ATP9B: variants seen among roughly 807,000 people sequenced by gnomAD.
ATP9B encodes the protein ATPase phospholipid transporting 9B, also known as probable phospholipid-transporting ATPase IIB.
Under a neutral mutation model 146.1 loss-of-function variants are expected in ATP9B, and 110 were observed. That is an observed-to-expected ratio of 0.75 (90% confidence interval 0.65 to 0.88). The LOEUF is 0.88. Ranked by LOEUF, ATP9B falls within the 40% of genes least tolerant of loss-of-function variation. ATP9B has a pLI of 0.00. For missense variants in ATP9B, 1,499 were observed against 1,496.4 expected, an observed-to-expected ratio of 1.00 and a Z score of -0.03; for synonymous variants, 604 against 569.7, an observed-to-expected ratio of 1.06 and a Z score of -0.86.
At chr18:79,075,032 G>T (rs1330039811) in intron 1 of ATP9B, among the ~76,000 whole-genome samples, 1 of 151,758 alleles carries the variant, frequency 6.6e-6, no homozygotes, top group African/African-American at 2.4e-5. Flanking sequence ...TTTAGTTAAT[G>T]GTGCTGTTGA....
At chr18:79,320,067 G>A (rs1174187519) in intron 15 of ATP9B, among the ~76,000 whole-genome samples, 5 of 152,314 alleles carry the variant, frequency 3.3e-5, no homozygotes, top group Non-Finnish European at 7.3e-5. Flanking sequence ...TGCCGAGAAC[G>A]TGCCCATTTA....
intron 12 of ATP9B, among the ~76,000 whole-genome samples, chr18:79,264,821 G>T (rs1346959891): frequency 6.6e-6 from 1 of 152,116 alleles, no homozygotes; most frequent in Non-Finnish European, 1.5e-5. Flanking sequence ...ATACACATGG[G>T]CCTGTTTTGG....
intron 11 of ATP9B, among the ~76,000 whole-genome samples, chr18:79,233,530 G>A (rs548147996): frequency 6.6e-6 from 1 of 152,284 alleles, no homozygotes; most frequent in East Asian, 1.9e-4. Context: ...GAAAATAAAA[G>A]CATTGGCCTG....
At chr18:79,163,491 ATG>A (rs1211972110) in intron 7 of ATP9B, among the ~76,000 whole-genome samples, 1 of 152,160 alleles carries the variant, frequency 6.6e-6, no homozygotes, top group East Asian at 1.9e-4. Flanking sequence ...CATCTCACAG[ATG>A]TGTCAGATAG....
At chr18:79,195,489 G>A (rs2095409770) in intron 9 of ATP9B, among the ~76,000 whole-genome samples, 1 of 151,982 alleles carries the variant, frequency 6.6e-6, no homozygotes, top group African/African-American at 2.4e-5. Context: ...TAAAAGCAAG[G>A]AAAGAAAAAA....
In ATP9B at chr18:79,375,271, C is replaced by T. The variant is rs550392397; in HGVS notation, c.3275-123C>T. The T allele has an allele frequency of 5.6e-5, 46 of 827,328 alleles. No individual in the cohort carries two copies. The South Asian group carries it at 6.7e-4, about 12-fold the overall frequency. The allele number at this position is 827,328 out of a possible 1,614,324, so 51.2% of individuals were successfully genotyped here. On this transcript the variant is annotated intron_variant, in intron 28 of 29. Coordinates refer to ENST00000426216, the MANE Select transcript of ATP9B (RefSeq NM_198531.5). ...TGAGATGTTAAAACCACATTGAAAA[C>T]GCAGCTTGCACTGCCATTTTATTGC...
At chr18:79,256,640 T>A (rs1358412172) in intron 12 of ATP9B, among the ~76,000 whole-genome samples, 1 of 152,074 alleles carries the variant, frequency 6.6e-6, no homozygotes. Context: ...AAGTTTAAAG[T>A]TAAGCTTTAT....
intron 13 of ATP9B, among the ~76,000 whole-genome samples, chr18:79,284,026 A>G (rs1272676239): frequency 6.6e-6 from 1 of 152,198 alleles, no homozygotes; most frequent in Non-Finnish European, 1.5e-5. Flanking sequence ...TTTAGGACTC[A>G]CATTTTAATT....
intron 11 of ATP9B, among the ~76,000 whole-genome samples, chr18:79,252,787 C>T (rs1013852895): frequency 1.3e-5 from 2 of 149,248 alleles, no homozygotes; most frequent in Admixed American, 6.7e-5. Context: ...TTTAAGCTAG[C>T]TAACTATTGC....
intron 11 of ATP9B, among the ~76,000 whole-genome samples, chr18:79,218,458 A>T (rs34959465): frequency 6.9e-6 from 1 of 144,254 alleles, no homozygotes; most frequent in African/African-American, 2.6e-5. Context: ...GCAGGCTGGC[A>T]GCTCCTGCTG....
intron 2 of ATP9B, among the ~76,000 whole-genome samples, chr18:79,097,864 T>A (rs1568168842): frequency 6.7e-6 from 1 of 150,098 alleles, no homozygotes; most frequent in Non-Finnish European, 1.5e-5. Context: ...TATAGCAGCA[T>A]GATTTATAGT....
intron 20 of ATP9B, among the ~76,000 whole-genome samples, chr18:79,343,392 T>C (rs2096868884): frequency 1.3e-5 from 2 of 152,212 alleles, no homozygotes; most frequent in African/African-American, 4.8e-5. Flanking sequence ...ATTTCTTTTA[T>C]GCTCCATAAA....
At chr18:79,101,231 G>C (rs538972463) in intron 2 of ATP9B, among the ~76,000 whole-genome samples, 1 of 151,766 alleles carries the variant, frequency 6.6e-6, no homozygotes, top group South Asian at 2.1e-4. Flanking sequence ...GTCCCTCTGA[G>C]CCCTGGCCTT....
intron 15 of ATP9B, among the ~76,000 whole-genome samples, chr18:79,316,327 A>G (rs1186568899): frequency 6.6e-6 from 1 of 152,128 alleles, no homozygotes; most frequent in African/African-American, 2.4e-5. Flanking sequence ...GTCCACTGCA[A>G]CCTTCCACCC....
chr18:79,256,616 T>C (rs1332079026), intron 12 of ATP9B, among the ~76,000 whole-genome samples: 1 of 151,994 alleles, frequency 6.6e-6, no homozygotes, highest in Non-Finnish European at 1.5e-5. Context: ...ATATTTAATA[T>C]ATAATATTTA....
intron 7 of ATP9B, among the ~76,000 whole-genome samples, chr18:79,156,730 G>A (rs1219032753): frequency 6.6e-6 from 1 of 152,168 alleles, no homozygotes; most frequent in African/African-American, 2.4e-5. Context: ...GCCATCATTT[G>A]CCAATATTGG....
chr18:79,186,159 T>G (rs1423270976), intron 8 of ATP9B, among the ~76,000 whole-genome samples: 3 of 152,204 alleles, frequency 2.0e-5, no homozygotes, highest in Admixed American at 2.0e-4. Flanking sequence ...GCTGATTTAT[T>G]TCAAAAGATC....
chr18:79,345,557 C>T lies in ATP9B; in HGVS notation c.2602C>T (p.Arg868Cys), dbSNP rs750015330. 13 of 1,608,930 alleles carry T rather than the reference C, an allele frequency of 8.1e-6. No homozygotes were observed. Among genetic ancestry groups the T allele is most frequent in the Admixed American group, 3.3e-5 (2 of 60,018 alleles). ...ACTGCTGCAGCAGCACACAGGGAGA[C>T]GCACCTGCGCCATCGGTGAGAGCCG... is the stretch of plus-strand genomic sequence containing the variant. Reference protein sequence around the residue: ...VTLLQQHTGRRTCAIGDGGND... With the variant: ...VTLLQQHTGRCTCAIGDGGND... Residue 868 changes from arginine (R) to cysteine (C), a missense_variant, in exon 22 of 30, where the codon CGC (arginine) becomes TGC (cysteine). Transcript: ENST00000426216.
intron 8 of ATP9B, among the ~76,000 whole-genome samples, chr18:79,184,125 A>G (rs1397521077): frequency 2.0e-5 from 3 of 152,114 alleles, no homozygotes; most frequent in Non-Finnish European, 4.4e-5. Context: ...TTGTACCAGG[A>G]GGCTGTTTGC....
Sources: allele counts gnomAD v4.1 joint callset (sites outside exome capture counted in the v4.1 genomes callset), GRCh38; gene constraint gnomAD v4.1.1; transcripts MANE v1.5; gene names NCBI Gene and HGNC (gene_info 2026-07-23, HGNC 2026-07-21).